MYO3B: variants seen among roughly 807,000 people sequenced by gnomAD.
MYO3B encodes the protein myosin-IIIb.
A neutral mutation model predicts 174.6 loss-of-function variants in MYO3B; 156 were observed. The observed-to-expected ratio is 0.89, with a 90% CI of 0.78 to 1.02. MYO3B has a LOEUF of 1.02. Among genes scored for constraint, MYO3B ranks in the 50% least tolerant of loss-of-function variants. The pLI is 0.00. For missense variants in MYO3B, 1,632 were observed against 1,639.4 expected, an observed-to-expected ratio of 1.00 and a Z score of 0.08; for synonymous variants, 563 against 569.1, an observed-to-expected ratio of 0.99 and a Z score of 0.15.
At chr2:170,479,299 A>T (rs1458927894) in intron 25 of MYO3B, among the ~76,000 whole-genome samples, 1 of 148,674 alleles carries the variant, frequency 6.7e-6, no homozygotes, top group South Asian at 2.1e-4. Flanking sequence ...AATAAAAAAT[A>T]AATAAAAAAT....
chr2:170,466,784 T>C (rs1684667146), intron 25 of MYO3B, 73 bp downstream of exon 25: 2 of 1,422,002 alleles, frequency 1.4e-6, no homozygotes, highest in South Asian at 2.6e-5. Context: ...GTCCTAAGAT[T>C]GTTCCTCCTG....
intron 16 of MYO3B, among the ~76,000 whole-genome samples, chr2:170,399,301 C>T (rs1182000995): frequency 1.6e-4 from 22 of 140,888 alleles, no homozygotes; most frequent in African/African-American, 3.9e-4. Flanking sequence ...GGCAAAACTC[C>T]GTCTCTACTA....
intron 7 of MYO3B, among the ~76,000 whole-genome samples, chr2:170,254,344 G>T (rs370027806): frequency 6.6e-6 from 1 of 152,086 alleles, no homozygotes; most frequent in African/African-American, 2.4e-5. Context: ...ACGCCCACCC[G>T]CAAAGGCTCT....
At chr2:170,601,519 A>C in intron 32 of MYO3B, 1 of 862,514 alleles carries the variant, frequency 1.2e-6, no homozygotes, top group Non-Finnish European at 1.8e-6. Flanking sequence ...ACACAGCCTT[A>C]CATTTTAATT....
intron 25 of MYO3B, among the ~76,000 whole-genome samples, chr2:170,484,733 CT>C (rs536552072): frequency 2.6e-5 from 4 of 152,018 alleles, no homozygotes; most frequent in Admixed American, 2.0e-4. Flanking sequence ...GAATATATGG[CT>C]TTTTTTTAGG....
chr2:170,606,145 G>A (rs186100347), intron 32 of MYO3B, among the ~76,000 whole-genome samples: 124 of 152,076 alleles, frequency 8.2e-4, no homozygotes, highest in African/African-American at 2.7e-3. Flanking sequence ...AGTGATCAGC[G>A]TTGAAGAAAT....
intron 29 of MYO3B, among the ~76,000 whole-genome samples, chr2:170,515,884 A>G (rs2106127707): frequency 6.6e-6 from 1 of 152,276 alleles, no homozygotes. Context: ...GAGGTTAGAA[A>G]GTAGGAGAAA....
chr2:170,352,401 G>T (rs576684780), intron 8 of MYO3B, among the ~76,000 whole-genome samples: 1 of 152,120 alleles, frequency 6.6e-6, no homozygotes, highest in Non-Finnish European at 1.5e-5. Context: ...AAAGAAGAAA[G>T]GGTCTACAGA....
intron 6 of MYO3B, among the ~76,000 whole-genome samples, chr2:170,222,576 C>T (rs1041181213): frequency 6.6e-6 from 1 of 152,000 alleles, no homozygotes; most frequent in Non-Finnish European, 1.5e-5. Context: ...TTTGTAGTGC[C>T]GTGGTATTTT....
At chr2:170,185,161 C>T (rs1438170200) in intron 1 of MYO3B, among the ~76,000 whole-genome samples, 2 of 151,948 alleles carry the variant, frequency 1.3e-5, no homozygotes, top group Non-Finnish European at 2.9e-5. Context: ...CTTTGCTGTT[C>T]AGAAGTTTTA....
chr2:170,568,310 C>T (rs1219547487), intron 32 of MYO3B, among the ~76,000 whole-genome samples: 1 of 152,192 alleles, frequency 6.6e-6, no homozygotes, highest in African/African-American at 2.4e-5. Context: ...ATAACAGGGG[C>T]AGAGTATGGA....
intron 12 of MYO3B, 62 bp from the exon 13 acceptor site, chr2:170,386,127 G>A (rs1259953767): frequency 8.7e-6 from 12 of 1,383,980 alleles, no homozygotes; most frequent in Admixed American, 3.4e-5. Context: ...GATGTTATAT[G>A]AAGCATGCAA....
At chr2:170,275,201 G>T (rs1362537006) in intron 7 of MYO3B, among the ~76,000 whole-genome samples, 1 of 152,140 alleles carries the variant, frequency 6.6e-6, no homozygotes, top group African/African-American at 2.4e-5. Flanking sequence ...GCATCTCTCA[G>T]ACTTAAACAT....
At chr2:170,248,700 T>A (rs1487466784) in intron 7 of MYO3B, among the ~76,000 whole-genome samples, 1 of 152,206 alleles carries the variant, frequency 6.6e-6, no homozygotes, top group Non-Finnish European at 1.5e-5. Flanking sequence ...CACTGTATCT[T>A]GTACCTCCCT....
intron 22 of MYO3B, among the ~76,000 whole-genome samples, chr2:170,436,762 C>T (rs1484560117): frequency 6.6e-6 from 1 of 152,128 alleles, no homozygotes; most frequent in Non-Finnish European, 1.5e-5. Flanking sequence ...GGGTAGTGAA[C>T]AGGCCATTCA....
intron 32 of MYO3B, among the ~76,000 whole-genome samples, chr2:170,620,262 C>T (rs1695802258): frequency 6.6e-6 from 1 of 152,118 alleles, no homozygotes; most frequent in East Asian, 1.9e-4. Context: ...GGCAAAACTC[C>T]ACTTTGCTTT....
At chr2:170,257,099 A>G (rs2093311005) in intron 7 of MYO3B, among the ~76,000 whole-genome samples, 1 of 152,224 alleles carries the variant, frequency 6.6e-6, no homozygotes, top group South Asian at 2.1e-4. Context: ...CAAGATTTAT[A>G]AAACAAGTAC....
At chr2:170,580,567 G>A (rs963135203) in intron 32 of MYO3B, among the ~76,000 whole-genome samples, 1 of 152,202 alleles carries the variant, frequency 6.6e-6, no homozygotes, top group Non-Finnish European at 1.5e-5. Flanking sequence ...GAACCTGGGA[G>A]GCGGAGGTTG....
At chr2:170,400,375 T>C (rs1365507016) in intron 17 of MYO3B, 61 bp downstream of exon 17, 2 of 1,560,324 alleles carry the variant, frequency 1.3e-6, no homozygotes, top group Non-Finnish European at 1.7e-6. Flanking sequence ...TTAGGCTCTG[T>C]AAAATATAAT....
Sources: gnomAD v4.1 joint callset for allele counts (sites outside exome capture counted in the v4.1 genomes callset) on GRCh38, gnomAD v4.1.1 for gene constraint, MANE v1.5 for transcripts, NCBI Gene and HGNC (gene_info 2026-07-23, HGNC 2026-07-21) for gene names.